Variants in SLC38A5 observed in about 807,000 individuals in gnomAD.
SLC38A5 encodes sodium-coupled neutral amino acid transporter 5.
Under a neutral mutation model 34.6 loss-of-function variants are expected in SLC38A5, and 9 were observed. The observed-to-expected ratio is 0.26, with a 90% CI of 0.16 to 0.45. The LOEUF (loss-of-function observed/expected upper bound fraction) is 0.45, where lower values mean the gene tolerates loss of function less well. SLC38A5 is among the 20% of genes least tolerant of loss of function. SLC38A5 has a pLI of 1.00. For missense variants in SLC38A5, 253 were observed against 394.7 expected (o/e 0.64, Z 3.04); for synonymous variants, 157 against 155.6 (o/e 1.01, Z -0.07).
At chrX:48,461,193 T>C (rs1569469210) in intron 12 of SLC38A5, 107 bp from the exon 13 acceptor site, 2 of 654,629 alleles carry the variant, frequency 3.1e-6, no homozygotes, top group East Asian at 7.1e-5. Flanking sequence ...CAGACTGCCA[T>C]TCAGCTGGCA....
At position 48,460,644 on chromosome X, in the gene SLC38A5, C is replaced by T. The variant is rs782546049; in HGVS notation, c.1068+5G>A. The T allele has an allele frequency of 1.7e-6, 2 of 1,210,148 alleles. No individual in the cohort carries two copies. The highest frequency in any genetic ancestry group is 1.1e-6 in the Non-Finnish European group (1 of 894,213). On this transcript the variant is annotated splice_donor_5th_base_variant and intron_variant, in intron 14 of 16. Coordinates refer to ENST00000620913, the MANE Select transcript of SLC38A5 (RefSeq NM_033518.4). ...ATGTCCCTCTCAGCCGTGGGCCCCA[C>T]GCACAGGGAACAGCACGACTGGCAC...
intron 4 of SLC38A5, 93 bp downstream of exon 4, chrX:48,467,617 G>T: frequency 1.1e-6 from 1 of 910,521 alleles, no homozygotes; most frequent in Non-Finnish European, 1.6e-6. Context: ...CAGGGGAACA[G>T]CAGGGAGGAG....
intron 8 of SLC38A5, among the ~76,000 whole-genome samples, chrX:48,463,909 A>G (rs868921349): frequency 9.9e-6 from 1 of 100,519 alleles, no homozygotes; most frequent in African/African-American, 3.7e-5. Context: ...GAAAGAAAGA[A>G]AGAGAAAGAA....
chrX:48,467,014 C>T lies in SLC38A5; in HGVS notation c.193G>A (p.Gly65Ser), dbSNP rs1407549645. 3 of 1,212,095 alleles carry T rather than the reference C, an allele frequency of 2.5e-6. No homozygotes were observed. The highest frequency in any genetic ancestry group is 1.7e-5 in the African/African-American group (1 of 57,925). ...ATGGCATAGGCCAGCCCCAGGATGCCGCTGCCCATGATGGCGTTGCTGAGG... is the reference window on the plus strand; with the variant it reads ...ATGGCATAGGCCAGCCCCAGGATGCTGCTGCCCATGATGGCGTTGCTGAGG... ...FNLSNAIMGS[G>S]ILGLAYAMAH... The change falls in exon 5 of 17, where the codon GGC becomes AGC. Residue 65 changes from glycine (G) to serine (S), a missense_variant. Physicochemically the swap from Gly to Ser is moderately conservative, Grantham distance 56 (BLOSUM62 0). This residue lies in a region of SLC38A5 where 37 missense variants were observed against 85.3 expected (regional missense o/e 0.43). Transcript: ENST00000620913.
rs954118436 is a variant in SLC38A5, at chrX:48,458,648, C to T, written c.*285G>A. The T allele has an allele frequency of 2.3e-5, 22 of 974,468 alleles. No individual in the cohort carries two copies. The highest frequency in any genetic ancestry group is 2.8e-5 in the Non-Finnish European group (22 of 777,623). 80.3% of individuals were successfully genotyped at this position (974,468 alleles called of 1,213,427 possible). A position where few individuals can be genotyped will look rare whatever the true frequency, so the allele number is the denominator to read the frequency against. ...AGGACTGGGCTGGGCAAAGGCTCCA[C>T]CAGGACCTGGCCTCCTCCTCCTCCT... is the stretch of plus-strand genomic sequence containing the variant. On this transcript the variant is annotated 3_prime_UTR_variant, in exon 17 of 17. Transcript: ENST00000620913.
intron 8 of SLC38A5, among the ~76,000 whole-genome samples, chrX:48,463,894 A>AGAAAGAAG (rs1470160192): frequency 2.8e-5 from 3 of 108,620 alleles, no homozygotes; most frequent in Non-Finnish European, 5.7e-5. Flanking sequence ...AAAGAAAGAA[A>AGAAAGAAG]GAAAGAAAGA....
chrX:48,468,152 C>T (rs2061492819), intron 2 of SLC38A5: 6 of 1,021,113 alleles, frequency 5.9e-6, no homozygotes, highest in South Asian at 5.2e-5. Flanking sequence ...GAGAAGCCAA[C>T]AGTTAGTTAC....
Position 48,459,035 on chromosome X carries a change from C to T in SLC38A5, c.1318-1G>A. ...CTCCCAGGACTCCAAAGCACAGGGCCTGTGGGCCAGAGAGACAAGATGGGG... is the reference window on the plus strand; with the variant it reads ...CTCCCAGGACTCCAAAGCACAGGGCTTGTGGGCCAGAGAGACAAGATGGGG... On this transcript the variant is annotated splice_acceptor_variant, in intron 16 of 16. Coordinates refer to ENST00000620913, the MANE Select transcript of SLC38A5 (RefSeq NM_033518.4). LOFTEE classifies it high-confidence loss of function. The T allele has an allele frequency of 8.4e-7, 1 of 1,185,574 alleles. No individual in the cohort carries two copies. Among genetic ancestry groups the T allele is most frequent in the Non-Finnish European group, 1.1e-6 (1 of 881,647 alleles).
In SLC38A5 at chrX:48,458,955, T is replaced by C; in HGVS notation, c.1397A>G (p.Gln466Arg). ...GFMFANWATG[Q>R]SRMSGH ...TGATCAGTGTCCAGACATGCGGCTC[T>C]GGCCTGTGGCCCAGTTGGCAAACAT... The change falls in exon 17 of 17, where the codon CAG (glutamine) becomes CGG (arginine). Residue 466 changes from glutamine to arginine, a missense_variant. This residue lies in a region of SLC38A5 where 176 missense variants were observed against 273.0 expected (regional missense o/e 0.64). Transcript: ENST00000620913. 8.4e-7 allele frequency: 1 copy of C among 1,188,485 alleles called. No homozygotes were observed. Among genetic ancestry groups the C allele is most frequent in the Non-Finnish European group, 1.1e-6 (1 of 882,798 alleles).
Position 48,462,962 on chromosome X carries a change from T to C in SLC38A5, c.510A>G (p.Gly170=). 1 of 1,206,926 alleles carries C rather than the reference T, an allele frequency of 8.3e-7. No homozygotes were observed. The highest frequency in any genetic ancestry group is 1.1e-6 in the Non-Finnish European group (1 of 893,056). ...CACTGACGATGATGATGAGGAGGTT[T>C]CCCTTCAAGAACCAGTCCCTAGAGA... ...MDPEGDWFLK[G]NLLIIIVSVL... Residue 170 remains glycine, a synonymous_variant, in exon 9 of 17, where the codon GGA becomes GGG. Transcript: ENST00000620913.
intron 9 of SLC38A5, among the ~76,000 whole-genome samples, chrX:48,462,532 C>T (rs1360872530): frequency 3.6e-5 from 4 of 110,855 alleles, no homozygotes; most frequent in East Asian, 2.8e-4. Context: ...TCGCTTGAAC[C>T]GGGAGGCAGA....
At chrX:48,464,931 C>CAAA (rs1190041180) in intron 8 of SLC38A5, among the ~76,000 whole-genome samples, 5 of 79,437 alleles carry the variant, frequency 6.3e-5, no homozygotes, top group Admixed American at 1.5e-4. Flanking sequence ...GAGACTCTGT[C>CAAA]AAAAAAAAAA....
intron 2 of SLC38A5, chrX:48,468,557 G>A (rs2061495793): frequency 4.1e-6 from 1 of 245,077 alleles, no homozygotes; most frequent in Non-Finnish European, 5.7e-6. Context: ...TGCCCCAGAC[G>A]CTGCAAACTG....
At position 48,462,866 on chromosome X, in the gene SLC38A5, C is replaced by G. The variant is rs148830707; in HGVS notation, c.574+32G>C. On this transcript the variant is annotated intron_variant, in intron 9 of 16. Coordinates refer to ENST00000620913, the MANE Select transcript of SLC38A5 (RefSeq NM_033518.4). ...GTCTGGCTTCTTCTGTCTAATCCCA[C>G]TACCCAATGGCCAACCCAGGGAGCC... 5.1e-3 allele frequency: 5,864 copies of G among 1,141,579 alleles called. 18 individuals are homozygous for G. Among genetic ancestry groups the G allele is most frequent in the Non-Finnish European group, 6.3e-3 (5,310 of 842,208 alleles). 94.1% of individuals were successfully genotyped at this position (1,141,579 alleles called of 1,213,427 possible).
At chrX:48,459,962 T>C (rs2061423711) in intron 14 of SLC38A5, 86 bp from the exon 15 acceptor site, 1 of 1,092,776 alleles carries the variant, frequency 9.2e-7, no homozygotes, top group African/African-American at 1.9e-5. Context: ...CTCCACCCTC[T>C]GGCTGAGATC....
In SLC38A5 at chrX:48,459,987, CCTCT is replaced by C. The variant is rs1211572938; in HGVS notation, c.1069-115_1069-112del. On this transcript the variant is annotated intron_variant, in intron 14 of 16. Coordinates refer to ENST00000620913, the MANE Select transcript of SLC38A5 (RefSeq NM_033518.4). ...TGGCTGAGATCCCTGATTTCCCCTC[CCTCT>C]GACTATCTATGGCTCCACCCTGCCT... 8 of 1,003,342 alleles carry C rather than the reference CCTCT, an allele frequency of 8.0e-6. No individual in the cohort carries two copies. The African/African-American group carries it at 1.6e-4, about 19-fold the overall frequency. The allele number at this position is 1,003,342 out of a possible 1,213,427, so 82.7% of individuals were successfully genotyped here.
At position 48,460,994 on chromosome X, in the gene SLC38A5, G is replaced by A; in HGVS notation, c.944C>T (p.Thr315Ile). Residue 315 changes from threonine to isoleucine, a missense_variant, in exon 13 of 17, where the codon ACC (threonine) becomes ATC (isoleucine). Around this residue, in one of 3 missense-constraint regions of SLC38A5, gnomAD observed 176 missense variants for 273.0 expected, o/e 0.64. Coordinates refer to ENST00000620913, the MANE Select transcript of SLC38A5 (RefSeq NM_033518.4). ...GCCCCAGCCCCACTCACTGTAGAAG[G>A]TGAGGTATCCAAAGGTTGCTGTGAG... ...YGLTATFGYL[T>I]FYSSVKAEML... 8.3e-7 allele frequency: 1 copy of A among 1,204,640 alleles called. No homozygotes were observed. The highest frequency in any genetic ancestry group is 1.1e-6 in the Non-Finnish European group (1 of 890,805).
Position 48,459,812 on chromosome X carries a change from G to A in SLC38A5, c.1133C>T (p.Ala378Val), listed in dbSNP as rs782453536. The A allele has an allele frequency of 5.3e-5, 64 of 1,209,786 alleles. No homozygotes were observed. The highest frequency in any genetic ancestry group is 4.6e-5 in the Non-Finnish European group (41 of 895,088). Residue 378 changes from alanine (A) to valine (V), a missense_variant, in exon 15 of 17, where the codon GCC becomes GTC. Physicochemically the swap from Ala to Val is moderately conservative, Grantham distance 64. Coordinates refer to ENST00000620913, the MANE Select transcript of SLC38A5 (RefSeq NM_033518.4). ...CAAAACAAGCAGGATCAGAGCTATG[G>A]CCACATGTCGTGGCCAGCTGAAGGC... is the stretch of plus-strand genomic sequence containing the variant. ...GKAFSWPRHV[A>V]IALILLVLVN...
intron 4 of SLC38A5, 74 bp downstream of exon 4, chrX:48,467,636 G>A: frequency 2.0e-6 from 2 of 1,022,900 alleles, no homozygotes; most frequent in African/African-American, 1.9e-5. Context: ...AGGAGGAGTG[G>A]GGAAGAGGGA....
Sources: gnomAD v4.1 joint callset for allele counts (sites outside exome capture counted in the v4.1 genomes callset) on GRCh38, gnomAD v4.1.1 for gene constraint, gnomAD v4.1.1 regional missense constraint, MANE v1.5 for transcripts, NCBI Gene and HGNC (gene_info 2026-07-23, HGNC 2026-07-21) for gene names.